KITLG: variants seen among roughly 807,000 people sequenced by gnomAD.
KITLG encodes c-Kit ligand.
Under a neutral mutation model 34.1 loss-of-function variants are expected in KITLG, and 13 were observed. That is an observed-to-expected ratio of 0.38 (90% confidence interval 0.25 to 0.61). KITLG has a LOEUF of 0.61. Among genes scored for constraint, KITLG ranks in the 20% least tolerant of loss-of-function variants. The pLI is 0.60. For missense variants in KITLG, 292 were observed against 318.9 expected, an observed-to-expected ratio of 0.92 and a Z score of 0.64; for synonymous variants, 110 against 104.0, an observed-to-expected ratio of 1.06 and a Z score of -0.35.
chr12:88,521,435 A>G (rs1009473581), intron 3 of KITLG, among the ~76,000 whole-genome samples: 2 of 152,152 alleles, frequency 1.3e-5, no homozygotes, highest in Non-Finnish European at 2.9e-5. Flanking sequence ...TGATTATGAA[A>G]TAAATGATTA....
rs1196513418 is a variant in KITLG at position 88,495,340 on chromosome 12, C to G, written c.*1879G>C. 3 of 152,022 alleles carry G rather than the reference C, an allele frequency of 2.0e-5. No homozygotes were observed. The highest frequency in any genetic ancestry group is 4.1e-4 in the South Asian group (2 of 4,824). The allele number at this position is 152,022 out of a possible 1,614,324, so 9.4% of individuals were successfully genotyped here. A position where few individuals can be genotyped will look rare whatever the true frequency, so the allele number is the denominator to read the frequency against. ...ACGCATAACTCATATTAATCTGTAT[C>G]TATTTTCCTGAAAACAGTCAATGCC... is the stretch of plus-strand genomic sequence containing the variant. On this transcript the variant is annotated 3_prime_UTR_variant, in exon 10 of 10. Transcript: ENST00000644744.
chr12:88,566,431 G>T (rs1018934404), intron 1 of KITLG, among the ~76,000 whole-genome samples: 2 of 152,198 alleles, frequency 1.3e-5, no homozygotes, highest in Non-Finnish European at 2.9e-5. Context: ...AATATAATGT[G>T]ATAAGTGATA....
intron 3 of KITLG, among the ~76,000 whole-genome samples, chr12:88,526,492 A>G (rs1320216976): frequency 6.6e-6 from 1 of 152,166 alleles, no homozygotes; most frequent in Non-Finnish European, 1.5e-5. Context: ...ACTTTCTTTC[A>G]GCAAATATTC....
rs1212089334 is a variant in KITLG, at chr12:88,579,345, A to G, written c.15+919T>C. Among the ~76,000 whole-genome samples, 13 of 152,240 alleles carry G rather than the reference A, an allele frequency of 8.5e-5. No individual in the cohort carries two copies. In the East Asian group the frequency reaches 1.2e-3, roughly 14 times the overall value. ...CTTAGCCAACCGCGGCAGATAACAC[A>G]TAACAATTTCTAAGGGGGAAAGTGA... is the stretch of plus-strand genomic sequence containing the variant. On this transcript the variant is annotated intron_variant, in intron 1 of 9. Coordinates refer to ENST00000644744, the MANE Select transcript of KITLG (RefSeq NM_000899.5).
chr12:88,578,835 T>A (rs1041798727), intron 1 of KITLG, among the ~76,000 whole-genome samples: 1 of 152,256 alleles, frequency 6.6e-6, no homozygotes, highest in Non-Finnish European at 1.5e-5. Context: ...ACCCTTCTTA[T>A]AATTTCGCAG....
At chr12:88,572,592 TTATTATA>T (rs1192496216) in intron 1 of KITLG, among the ~76,000 whole-genome samples, 1 of 67,422 alleles carries the variant, frequency 1.5e-5, no homozygotes, top group African/African-American at 3.8e-5. Context: ...ATTATATACA[TTATTATA>T]TATATATATA....
At position 88,580,463 on chromosome 12, in the gene KITLG, G is replaced by A. The variant is rs1350080426; in HGVS notation, c.-185C>T. ...GCTTCTAGTCTCGGCGCGAGGCGGC[G>A]AGCGAAGCCCGGCTGCTGAGCCGCC... On this transcript the variant is annotated 5_prime_UTR_variant, in exon 1 of 10. Coordinates refer to ENST00000644744, the MANE Select transcript of KITLG (RefSeq NM_000899.5). The A allele has an allele frequency of 5.5e-6, 4 of 728,716 alleles. No homozygotes were observed. The highest frequency in any genetic ancestry group is 5.5e-5 in the East Asian group (2 of 36,364). 45.1% of individuals were successfully genotyped at this position (728,716 alleles called of 1,614,324 possible).
At chr12:88,577,899 T>G (rs1277025812) in intron 1 of KITLG, among the ~76,000 whole-genome samples, 1 of 152,214 alleles carries the variant, frequency 6.6e-6, no homozygotes, top group Non-Finnish European at 1.5e-5. Flanking sequence ...ACTATAAATT[T>G]TTTTTATATG....
Position 88,495,134 on chromosome 12 carries a change from G to T in KITLG, c.*2085C>A, listed in dbSNP as rs1868580186. On this transcript the variant is annotated 3_prime_UTR_variant, in exon 10 of 10. Coordinates refer to ENST00000644744, the MANE Select transcript of KITLG (RefSeq NM_000899.5). ...TTGTTTATTTAACTCCATTGATTAA[G>T]ACCATGTCCATGAGTGTTAAAACCC... 6.6e-6 allele frequency: 1 copy of T among 151,900 alleles called. No individual in the cohort carries two copies. Among genetic ancestry groups the T allele is most frequent in the Non-Finnish European group, 1.5e-5 (1 of 67,920 alleles). 9.4% of individuals were successfully genotyped at this position (151,900 alleles called of 1,614,324 possible). A position where few individuals can be genotyped will look rare whatever the true frequency, so the allele number is the denominator to read the frequency against.
chr12:88,563,588 A>G (rs896910354), intron 1 of KITLG, among the ~76,000 whole-genome samples: 5 of 152,230 alleles, frequency 3.3e-5, no homozygotes, highest in African/African-American at 9.6e-5. Flanking sequence ...CCAATTGTTT[A>G]TCGTGAGATC....
intron 9 of KITLG, among the ~76,000 whole-genome samples, chr12:88,500,063 C>G (rs2120783853): frequency 6.6e-6 from 1 of 152,292 alleles, no homozygotes; most frequent in South Asian, 2.1e-4. Context: ...AACCCTTTCT[C>G]AAACCGATGC....
At chr12:88,529,958 C>T (rs1870022148) in intron 3 of KITLG, among the ~76,000 whole-genome samples, 1 of 152,148 alleles carries the variant, frequency 6.6e-6, no homozygotes, top group Non-Finnish European at 1.5e-5. Flanking sequence ...CAGAAACAAG[C>T]ACAAAATATG....
In KITLG at chr12:88,519,866, C is replaced by T. The variant is rs570925534; in HGVS notation, c.193-999G>A. ...CTTGAACTCCTGGCCTCAAGCAATC[C>T]TCCCTCCTCAGCATTCTAAAATGCT... On this transcript the variant is annotated intron_variant, in intron 3 of 9. Coordinates refer to ENST00000644744, the MANE Select transcript of KITLG (RefSeq NM_000899.5). Among the ~76,000 whole-genome samples, 8 of 152,222 alleles carry T rather than the reference C, an allele frequency of 5.3e-5. No homozygotes were observed. In the South Asian group the frequency reaches 1.5e-3, roughly 28 times the overall value.
chr12:88,542,168 T>C (rs912302037), intron 2 of KITLG, among the ~76,000 whole-genome samples: 4 of 152,136 alleles, frequency 2.6e-5, no homozygotes, highest in African/African-American at 9.7e-5. Flanking sequence ...ATTTCAAAGC[T>C]GAAAAAGGCC....
intron 3 of KITLG, among the ~76,000 whole-genome samples, chr12:88,524,480 T>C (rs1006301593): frequency 6.6e-6 from 1 of 152,190 alleles, no homozygotes; most frequent in Non-Finnish European, 1.5e-5. Context: ...ATGAAACATA[T>C]AAAACATTCC....
chr12:88,579,282 A>C (rs1871931382), intron 1 of KITLG, among the ~76,000 whole-genome samples: 1 of 152,156 alleles, frequency 6.6e-6, no homozygotes, highest in Non-Finnish European at 1.5e-5. Flanking sequence ...CAGGAACTGC[A>C]ATCTCCAACA....
intron 1 of KITLG, among the ~76,000 whole-genome samples, chr12:88,559,539 T>C (rs934566594): frequency 2.0e-5 from 3 of 152,136 alleles, no homozygotes; most frequent in Non-Finnish European, 4.4e-5. Flanking sequence ...ATATACTCTT[T>C]GAAGTATATC....
chr12:88,503,790 G>A (rs1868951566), intron 9 of KITLG, among the ~76,000 whole-genome samples: 1 of 152,024 alleles, frequency 6.6e-6, no homozygotes, highest in Non-Finnish European at 1.5e-5. Flanking sequence ...GTGCATCCTG[G>A]GCTCTGAACT....
At chr12:88,538,606 T>A (rs113134670) in intron 2 of KITLG, among the ~76,000 whole-genome samples, 1 of 151,926 alleles carries the variant, frequency 6.6e-6, no homozygotes, top group Non-Finnish European at 1.5e-5. Flanking sequence ...CACTAGGAAT[T>A]TGAATATACA....
Sources: allele counts gnomAD v4.1 joint callset (sites outside exome capture counted in the v4.1 genomes callset), GRCh38; gene constraint gnomAD v4.1.1; transcripts MANE v1.5; gene names NCBI Gene and HGNC (gene_info 2026-07-23, HGNC 2026-07-21).